The following RETREG3 variants were observed in gnomAD, a reference collection of about 807,000 sequenced individuals.
RETREG3 encodes reticulophagy regulator 3.
A neutral mutation model predicts 50.2 loss-of-function variants in RETREG3; 23 were observed. The ratio of observed to expected loss-of-function variants is 0.46; its 90% confidence interval spans 0.33 to 0.65. RETREG3 has a LOEUF of 0.65. RETREG3 is among the 30% of genes least tolerant of loss of function. The pLI is 0.02. For synonymous variants in RETREG3, 240 were observed against 234.4 expected (o/e 1.02, Z -0.22); for missense variants, 546 against 598.0 (o/e 0.91, Z 0.91).
chr17:42,609,305 A>AC lies in RETREG3; in HGVS notation c.19dup (p.Val7GlyfsTer30). On this transcript the variant is annotated frameshift_variant, in exon 1 of 9. Transcript: ENST00000309428. LOFTEE classifies it high-confidence loss of function. ...CGAAGCCGGGCCTGGGGTCGTGGGA[A>AC]CCCCTTCGGCCTCAGCCATCTCCCC... 6.3e-7 allele frequency: 1 copy of AC among 1,599,974 alleles called. No individual in the cohort carries two copies. Among genetic ancestry groups the AC allele is most frequent in the Non-Finnish European group, 8.5e-7 (1 of 1,179,286 alleles).
In RETREG3 at chr17:42,600,667, C is replaced by T. The variant is rs886523076; in HGVS notation, c.239+8419G>A. 2.0e-5 allele frequency among the ~76,000 whole-genome samples: 3 copies of T among 152,114 alleles called. No individual in the cohort carries two copies. The East Asian group carries it at 5.8e-4, about 29-fold the overall frequency. ...GTACATGGTGGCACACAATATTATTCTGCCTACTTACACATGTTTTAAGCT... is the reference window on the plus strand; with the variant it reads ...GTACATGGTGGCACACAATATTATTTTGCCTACTTACACATGTTTTAAGCT... On this transcript the variant is annotated intron_variant, in intron 1 of 8. Coordinates refer to ENST00000309428, the MANE Select transcript of RETREG3 (RefSeq NM_178126.4).
chr17:42,586,008 T>G, intron 5 of RETREG3, 45 bp downstream of exon 5: 1 of 1,579,180 alleles, frequency 6.3e-7, no homozygotes, highest in South Asian at 1.1e-5. Flanking sequence ...GTTGGAAAGC[T>G]ATGAGCAGGG....
intron 3 of RETREG3, 195 bp from the exon 4 acceptor site, chr17:42,587,086 T>C: frequency 1.5e-6 from 1 of 676,888 alleles, no homozygotes; most frequent in Non-Finnish European, 2.4e-6. Context: ...GAGGACAAAC[T>C]TGTTCTGACA....
At chr17:42,585,734 G>A (rs1303749995) in intron 5 of RETREG3, among the ~76,000 whole-genome samples, 1 of 152,150 alleles carries the variant, frequency 6.6e-6, no homozygotes, top group Non-Finnish European at 1.5e-5. Flanking sequence ...ACCCCTAAGA[G>A]TTATGTTCTG....
rs1049249325 is a variant in RETREG3, at chr17:42,581,724, G to A, written c.*89C>T. 6 of 1,200,860 alleles carry A rather than the reference G, an allele frequency of 5.0e-6. No individual in the cohort carries two copies. The African/African-American group carries it at 7.7e-5, about 15-fold the overall frequency. 74.4% of individuals were successfully genotyped at this position (1,200,860 alleles called of 1,614,324 possible). Reference sequence around the variant, plus strand: ...CATACAAATATAATTCAGGGGAGGGGAGCTGAGTTCTTCCCTTGCCCCATC... The same window carrying A: ...CATACAAATATAATTCAGGGGAGGGAAGCTGAGTTCTTCCCTTGCCCCATC... On this transcript the variant is annotated 3_prime_UTR_variant, in exon 9 of 9. Transcript: ENST00000309428.
At chr17:42,592,006 T>C (rs371486582) in intron 2 of RETREG3, 50 bp downstream of exon 2, 22 of 1,476,924 alleles carry the variant, frequency 1.5e-5, no homozygotes, top group South Asian at 7.0e-5. Context: ...GTACAAATTA[T>C]AGGAAAGGCC....
intron 4 of RETREG3, 107 bp from the exon 5 acceptor site, chr17:42,586,244 A>T: frequency 1.0e-6 from 1 of 984,242 alleles, no homozygotes; most frequent in Non-Finnish European, 1.6e-6. Flanking sequence ...TAAGTCAAGC[A>T]TGGACGTGCA....
At chr17:42,582,526 G>T in intron 8 of RETREG3, 148 bp downstream of exon 8, 1 of 1,267,900 alleles carries the variant, frequency 7.9e-7, no homozygotes, top group Non-Finnish European at 1.1e-6. Context: ...TGCCATCCTG[G>T]CTGTAGCCAC....
chr17:42,606,135 A>G (rs1417575699), intron 1 of RETREG3, among the ~76,000 whole-genome samples: 1 of 152,092 alleles, frequency 6.6e-6, no homozygotes, highest in Non-Finnish European at 1.5e-5. Flanking sequence ...AAAGATAAAG[A>G]CCAATCACAG....
rs2093110719 is a variant in RETREG3, at chr17:42,582,156, A to G, written c.1058T>C (p.Met353Thr). 8 of 1,614,128 alleles carry G rather than the reference A, an allele frequency of 5.0e-6. No homozygotes were observed. Among genetic ancestry groups the G allele is most frequent in the African/African-American group, 1.3e-5 (1 of 75,038 alleles). ...LDDEDDTSIG[M>T]PSLMYRSPPG... is the part of the protein sequence containing the mutation. ...CGGAGAACGGTACATCAAGCTGGGC[A>G]TGCCAATGCTAGTGTCGTCCTCATC... Residue 353 changes from methionine to threonine, a missense_variant, in exon 9 of 9, where the codon ATG becomes ACG. Coordinates refer to ENST00000309428, the MANE Select transcript of RETREG3 (RefSeq NM_178126.4).
rs763865013 is a variant in RETREG3 at position 42,581,708 on chromosome 17, A to G, written c.*105T>C. 29 of 1,072,840 alleles carry G rather than the reference A, an allele frequency of 2.7e-5. No homozygotes were observed. The highest frequency in any genetic ancestry group is 3.8e-5 in the Non-Finnish European group (29 of 766,310). The allele number at this position is 1,072,840 out of a possible 1,614,324, so 66.5% of individuals were successfully genotyped here. A position where few individuals can be genotyped will look rare whatever the true frequency, so the allele number is the denominator to read the frequency against. ...CAGCCAGGCCACCCAGCATACAAAT[A>G]TAATTCAGGGGAGGGGAGCTGAGTT... On this transcript the variant is annotated 3_prime_UTR_variant, in exon 9 of 9. Coordinates refer to ENST00000309428, the MANE Select transcript of RETREG3 (RefSeq NM_178126.4).
intron 2 of RETREG3, among the ~76,000 whole-genome samples, chr17:42,590,221 C>A (rs1250262383): frequency 6.6e-6 from 1 of 151,600 alleles, no homozygotes; most frequent in Non-Finnish European, 1.5e-5. Context: ...ATTTTTTTTA[C>A]TTAGCTGGGT....
intron 2 of RETREG3, among the ~76,000 whole-genome samples, chr17:42,588,582 G>T (rs1189757043): frequency 6.6e-6 from 1 of 152,020 alleles, no homozygotes; most frequent in Non-Finnish European, 1.5e-5. Flanking sequence ...TGTTGGCCAG[G>T]CTGCTCTCGA....
intron 5 of RETREG3, 46 bp from the exon 6 acceptor site, chr17:42,585,308 CA>C (rs770844451): frequency 2.4e-5 from 38 of 1,600,934 alleles, no homozygotes; most frequent in Non-Finnish European, 3.0e-5. Flanking sequence ...GAAGGGGCTG[CA>C]AAAAACATTC....
At chr17:42,601,783 G>A (rs1045763452) in intron 1 of RETREG3, among the ~76,000 whole-genome samples, 1 of 150,956 alleles carries the variant, frequency 6.6e-6, no homozygotes, top group African/African-American at 2.4e-5. Flanking sequence ...ACAGGCATGC[G>A]CCACCATGCC....
At chr17:42,585,313 A>C (rs1244838053) in intron 5 of RETREG3, 51 bp from the exon 6 acceptor site, 3 of 1,601,976 alleles carry the variant, frequency 1.9e-6, no homozygotes, top group Admixed American at 3.4e-5. Flanking sequence ...GGCTGCAAAA[A>C]ACATTCCCAA....
chr17:42,585,373 G>A, intron 5 of RETREG3, 111 bp from the exon 6 acceptor site: 1 of 1,437,714 alleles, frequency 7.0e-7, no homozygotes, highest in Non-Finnish European at 9.3e-7. Context: ...GTGTGGAACA[G>A]ATCTGCCCAA....
intron 1 of RETREG3, among the ~76,000 whole-genome samples, chr17:42,607,026 G>GT (rs990821501): frequency 1.2e-4 from 18 of 152,114 alleles, no homozygotes; most frequent in Middle Eastern, 3.4e-3. Context: ...CTGATAAAGT[G>GT]TTTTTTTCCA....
chr17:42,602,567 C>G (rs62078392), intron 1 of RETREG3, among the ~76,000 whole-genome samples: 26,625 of 152,128 alleles, frequency 0.18, 3,186 homozygotes, highest in Middle Eastern at 0.3. Flanking sequence ...AAACTACTTG[C>G]TAGAAAGGCT....
Sources: gnomAD v4.1 joint callset for allele counts (sites outside exome capture counted in the v4.1 genomes callset) on GRCh38, gnomAD v4.1.1 for gene constraint, MANE v1.5 for transcripts, NCBI Gene and HGNC (gene_info 2026-07-23, HGNC 2026-07-21) for gene names.